The following ZFYVE1 variants were observed in gnomAD, a reference collection of about 807,000 sequenced individuals.
The protein encoded by ZFYVE1 is zinc finger FYVE domain-containing protein 1.
ZFYVE1 carries 30 observed loss-of-function variants against 74.4 expected under a neutral mutation model. The ratio of observed to expected loss-of-function variants is 0.40; its 90% confidence interval spans 0.30 to 0.55. The LOEUF (loss-of-function observed/expected upper bound fraction) is 0.55. ZFYVE1 is among the 20% of genes least tolerant of loss of function. The probability of loss-of-function intolerance (pLI) is 0.42; values close to 1 mark genes in which losing one functional copy is unlikely to be tolerated. For synonymous variants in ZFYVE1, 335 were observed against 385.1 expected, an observed-to-expected ratio of 0.87 and a Z score of 1.52; for missense variants, 703 against 1,011.6, an observed-to-expected ratio of 0.69 and a Z score of 4.14.
chr14:72,982,966 C>A (rs1056920884), intron 4 of ZFYVE1, among the ~76,000 whole-genome samples: 1 of 152,056 alleles, frequency 6.6e-6, no homozygotes, highest in Non-Finnish European at 1.5e-5. Context: ...GCCTCAGCCT[C>A]CCAAGTAGCT....
intron 2 of ZFYVE1, among the ~76,000 whole-genome samples, chr14:73,008,000 A>G (rs1894015131): frequency 6.6e-6 from 1 of 152,210 alleles, no homozygotes; most frequent in African/African-American, 2.4e-5. Flanking sequence ...GGCAAAGATC[A>G]CTTTCTTCCA....
intron 6 of ZFYVE1, 68 bp downstream of exon 6, chr14:72,978,793 T>C (rs1334644967): frequency 4.5e-6 from 6 of 1,337,564 alleles, no homozygotes; most frequent in Non-Finnish European, 6.5e-6. Context: ...GGCCCCAAGA[T>C]AGTCTTGCCA....
chr14:73,008,121 C>T (rs114184055), intron 2 of ZFYVE1, among the ~76,000 whole-genome samples: 127 of 152,294 alleles, frequency 8.3e-4, no homozygotes, highest in African/African-American at 3.0e-3. Flanking sequence ...CTGCCTGCAG[C>T]TCCTCTCCTA....
Position 72,997,794 on chromosome 14 carries a change from T to G in ZFYVE1, c.988+17A>C, listed in dbSNP as rs376441642. The G allele has an allele frequency of 1.3e-5, 20 of 1,565,726 alleles. No homozygotes were observed. In the African/African-American group the frequency reaches 2.7e-4, roughly 21 times the overall value. On this transcript the variant is annotated intron_variant, in intron 3 of 11. Coordinates refer to ENST00000556143, the MANE Select transcript of ZFYVE1 (RefSeq NM_021260.4). ...ACCCATAAAGGTTGAGCTGTGACAC[T>G]GTACCCCATCTCTCACCAGAGCCCA...
Position 73,024,740 on chromosome 14 carries a change from G to A in ZFYVE1, c.-232C>T. On this transcript the variant is annotated 5_prime_UTR_variant, in exon 2 of 12. Transcript: ENST00000556143. ...AGCAGCAACGTTGATTTGGTTTGAT[G>A]GTTTCATCCTCCATAAAGTGCAAGC... is the stretch of plus-strand genomic sequence containing the variant. 1 of 542,040 alleles carries A rather than the reference G, an allele frequency of 1.8e-6. No homozygotes were observed. Among genetic ancestry groups the A allele is most frequent in the South Asian group, 3.3e-5 (1 of 30,534 alleles). 33.6% of individuals were successfully genotyped at this position (542,040 alleles called of 1,614,324 possible).
At chr14:72,996,751 G>A (rs1370871480) in intron 3 of ZFYVE1, among the ~76,000 whole-genome samples, 4 of 152,176 alleles carry the variant, frequency 2.6e-5, no homozygotes, top group Non-Finnish European at 4.4e-5. Context: ...AAGTACGGAG[G>A]TATGCACAGA....
chr14:72,979,672 C>G (rs1003137520), intron 5 of ZFYVE1, among the ~76,000 whole-genome samples: 3 of 149,098 alleles, frequency 2.0e-5, no homozygotes, highest in African/African-American at 7.4e-5. Flanking sequence ...AAAAAAAATA[C>G]ACCCAGAAAT....
chr14:72,993,707 C>CAACAAAAATCTTTCATTATAAAAGT (rs1261038091), intron 3 of ZFYVE1, among the ~76,000 whole-genome samples: 43 of 151,436 alleles, frequency 2.8e-4, no homozygotes, highest in African/African-American at 9.9e-4. Flanking sequence ...CAAACAACAA[C>CAACAAAAATCTTTCATTATAAAAGT]AACAAAAATC....
chr14:72,993,380 A>G, intron 3 of ZFYVE1, 23 bp from the exon 4 acceptor site: 1 of 1,576,980 alleles, frequency 6.3e-7, no homozygotes, highest in South Asian at 1.1e-5. Context: ...AAACACAGGC[A>G]CATGGGTAGT....
chr14:73,021,115 C>T (rs889361608), intron 2 of ZFYVE1, among the ~76,000 whole-genome samples: 5 of 152,052 alleles, frequency 3.3e-5, no homozygotes, highest in Admixed American at 2.0e-4. Flanking sequence ...GAGGCTGAGG[C>T]GGGCGGATAA....
At chr14:73,023,175 T>A (rs865819057) in intron 2 of ZFYVE1, among the ~76,000 whole-genome samples, 33,237 of 120,174 alleles carry the variant, frequency 0.28, 6,084 homozygotes, top group African/African-American at 0.38. Flanking sequence ...AATATATATA[T>A]ATATATATAT....
chr14:73,021,433 T>C (rs1165315507), intron 2 of ZFYVE1, among the ~76,000 whole-genome samples: 1 of 152,252 alleles, frequency 6.6e-6, no homozygotes, highest in African/African-American at 2.4e-5. Context: ...TAAGTATTTA[T>C]GCACTGACAA....
Position 72,997,939 on chromosome 14 carries a change from T to G in ZFYVE1, c.860A>C (p.Tyr287Ser), listed in dbSNP as rs778588161. 1 of 1,614,172 alleles carries G rather than the reference T, an allele frequency of 6.2e-7. No individual in the cohort carries two copies. The highest frequency in any genetic ancestry group is 2.2e-5 in the East Asian group (1 of 44,878). ...GAGCTCCTTGGTGAAGTGCTTCAGA[T>G]AAGCTTCTGAGGCATCCCCAAGGAA... ...FKFLGDASEA[Y>S]LKHFTKELKA... is the part of the protein sequence containing the mutation. The change falls in exon 3 of 12, where the codon TAT (tyrosine) becomes TCT (serine). Residue 287 changes from tyrosine (Y) to serine (S), a missense_variant. By Grantham distance (144) the Tyr-to-Ser change is moderately radical (BLOSUM62 -2). This residue lies in a region of ZFYVE1 where 492 missense variants were observed against 790.0 expected (regional missense o/e 0.62). Coordinates refer to ENST00000556143, the MANE Select transcript of ZFYVE1 (RefSeq NM_021260.4).
At chr14:72,985,347 G>A (rs1594838449) in intron 4 of ZFYVE1, among the ~76,000 whole-genome samples, 2 of 151,620 alleles carry the variant, frequency 1.3e-5, no homozygotes, top group South Asian at 4.2e-4. Flanking sequence ...TTTTTGTTTT[G>A]TTATTGAGAC....
chr14:73,000,936 T>C (rs1449221266), intron 2 of ZFYVE1, among the ~76,000 whole-genome samples: 1 of 152,188 alleles, frequency 6.6e-6, no homozygotes, highest in African/African-American at 2.4e-5. Flanking sequence ...TATGCGTCGG[T>C]TATTCTCACC....
chr14:72,981,247 GTTAA>G (rs1893323039), intron 5 of ZFYVE1, among the ~76,000 whole-genome samples: 1 of 152,026 alleles, frequency 6.6e-6, no homozygotes, highest in African/African-American at 2.4e-5. Context: ...CACACGACCC[GTTAA>G]TTAGAATCCC....
intron 2 of ZFYVE1, among the ~76,000 whole-genome samples, chr14:73,000,704 G>A (rs943620391): frequency 5.3e-5 from 8 of 151,946 alleles, no homozygotes; most frequent in Non-Finnish European, 7.3e-5. Context: ...TAGCCAGTCC[G>A]GAAAACAGCT....
Position 73,024,575 on chromosome 14 carries a change from GAAGATTTGA to G in ZFYVE1, c.-76_-68del, listed in dbSNP as rs1194358792. ...CTGAGCTTGCCCCGGGGGTGAAGACGAAGATTTGAGTCTGAAGACTGCACGAAACTTCCA... is the reference window on the plus strand; with the variant it reads ...CTGAGCTTGCCCCGGGGGTGAAGACGGTCTGAAGACTGCACGAAACTTCCA... On this transcript the variant is annotated 5_prime_UTR_variant, in exon 2 of 12. Transcript: ENST00000556143. The G allele has an allele frequency of 9.2e-6, 14 of 1,516,986 alleles. No homozygotes were observed. In the East Asian group the frequency reaches 3.0e-4, roughly 32 times the overall value. 94.0% of individuals were successfully genotyped at this position (1,516,986 alleles called of 1,614,324 possible).
At chr14:72,985,766 T>C (rs953696284) in intron 4 of ZFYVE1, among the ~76,000 whole-genome samples, 1 of 149,340 alleles carries the variant, frequency 6.7e-6, no homozygotes, top group African/African-American at 2.5e-5. Flanking sequence ...AAAAAAAGAA[T>C]AGCAAATTAT....
Sources: gnomAD v4.1 joint callset for allele counts (sites outside exome capture counted in the v4.1 genomes callset) on GRCh38, gnomAD v4.1.1 for gene constraint, gnomAD v4.1.1 regional missense constraint, MANE v1.5 for transcripts, NCBI Gene and HGNC (gene_info 2026-07-23, HGNC 2026-07-21) for gene names.